Variants in DZIP3 observed in about 807,000 individuals in gnomAD.
DZIP3 encodes DAZ interacting zinc finger protein 3, also known as E3 ubiquitin-protein ligase DZIP3.
Under a neutral mutation model 162.0 loss-of-function variants are expected in DZIP3, and 118 were observed. That is an observed-to-expected ratio of 0.73 (90% CI 0.63 to 0.85). The LOEUF (loss-of-function observed/expected upper bound fraction) is 0.85, where lower values mean the gene tolerates loss of function less well. DZIP3 is among the 40% of genes least tolerant of loss of function. The pLI is 0.00. For synonymous variants in DZIP3, 438 were observed against 458.6 expected (o/e 0.96, Z 0.57); for missense variants, 1,331 against 1,407.0 (o/e 0.95, Z 0.86).
At chr3:108,612,634 A>G (rs975228319) in intron 4 of DZIP3, among the ~76,000 whole-genome samples, 1 of 152,212 alleles carries the variant, frequency 6.6e-6, no homozygotes, top group Non-Finnish European at 1.5e-5. Flanking sequence ...GTATTTGCAT[A>G]CAACCTGTAC....
intron 5 of DZIP3, among the ~76,000 whole-genome samples, chr3:108,621,474 C>T (rs1941339881): frequency 6.6e-6 from 1 of 152,082 alleles, no homozygotes; most frequent in Admixed American, 6.5e-5. Context: ...TTAAAATGTA[C>T]AATGAATTAT....
At chr3:108,675,933 GA>G in intron 25 of DZIP3, 60 bp downstream of exon 25, 1 of 1,413,570 alleles carries the variant, frequency 7.1e-7, no homozygotes, top group East Asian at 2.4e-5. Flanking sequence ...TGTAAAGTTA[GA>G]AGACATATTA....
Position 108,616,449 on chromosome 3 carries a change from T to C in DZIP3, c.259-92T>C, listed in dbSNP as rs558504798. 2.2e-5 allele frequency: 19 copies of C among 850,450 alleles called. 1 individual carries two copies. The South Asian group carries it at 3.8e-4, about 17-fold the overall frequency. 52.7% of individuals were successfully genotyped at this position (850,450 alleles called of 1,614,324 possible). A position where few individuals can be genotyped will look rare whatever the true frequency, so the allele number is the denominator to read the frequency against. ...GTCTTTATCTCTATTTTTAAAATTT[T>C]CTCCAATGAGCATGAATTATTTGTA... On this transcript the variant is annotated intron_variant, in intron 4 of 32. Transcript: ENST00000361582.
At chr3:108,641,668 G>A (rs1942406870) in intron 12 of DZIP3, among the ~76,000 whole-genome samples, 1 of 152,156 alleles carries the variant, frequency 6.6e-6, no homozygotes, top group African/African-American at 2.4e-5. Context: ...CAGTATGGGA[G>A]ATACCTTTTA....
intron 19 of DZIP3, among the ~76,000 whole-genome samples, chr3:108,658,231 T>C (rs890828838): frequency 2.0e-5 from 3 of 152,258 alleles, no homozygotes; most frequent in Admixed American, 6.5e-5. Context: ...ATTGACCACA[T>C]AGTTAGAAGT....
intron 27 of DZIP3, among the ~76,000 whole-genome samples, chr3:108,685,749 A>G (rs1044192862): frequency 2.6e-5 from 4 of 152,316 alleles, no homozygotes; most frequent in East Asian, 3.9e-4. Flanking sequence ...TTATAAAGGT[A>G]TATATGCTAA....
chr3:108,593,076 T>C (rs1295636023), intron 1 of DZIP3, among the ~76,000 whole-genome samples: 1 of 152,240 alleles, frequency 6.6e-6, no homozygotes, highest in African/African-American at 2.4e-5. Context: ...TGTTTCATTC[T>C]AAAAAATGTC....
chr3:108,597,936 A>T (rs1939794739), intron 1 of DZIP3, among the ~76,000 whole-genome samples: 1 of 152,208 alleles, frequency 6.6e-6, no homozygotes, highest in African/African-American at 2.4e-5. Flanking sequence ...TTTAACTTTG[A>T]GAGATCATTT....
intron 31 of DZIP3, among the ~76,000 whole-genome samples, chr3:108,689,277 C>T (rs1300177032): frequency 2.0e-5 from 3 of 152,204 alleles, no homozygotes; most frequent in Non-Finnish European, 4.4e-5. Flanking sequence ...ATAAATACCA[C>T]ATAGTGTCCT....
At chr3:108,598,788 G>A (rs146957202) in intron 1 of DZIP3, among the ~76,000 whole-genome samples, 22 of 152,254 alleles carry the variant, frequency 1.4e-4, no homozygotes, top group Non-Finnish European at 1.8e-4. Context: ...CACCTTTGGA[G>A]TATGTGCTTA....
At chr3:108,648,543 T>G (rs1450774475) in intron 16 of DZIP3, 2 of 163,496 alleles carry the variant, frequency 1.2e-5, no homozygotes, top group Non-Finnish European at 2.6e-5. Flanking sequence ...AAATAAGTGG[T>G]AACAGTTATT....
intron 18 of DZIP3, among the ~76,000 whole-genome samples, chr3:108,651,606 A>G (rs1002167773): frequency 1.3e-5 from 2 of 151,698 alleles, no homozygotes; most frequent in African/African-American, 4.8e-5. Context: ...GTTATGTCCC[A>G]GTGACCCCTT....
At position 108,649,558 on chromosome 3, in the gene DZIP3, T is replaced by TA. The variant is rs368747125; in HGVS notation, c.2007+598dup. On this transcript the variant is annotated intron_variant, in intron 17 of 32. Coordinates refer to ENST00000361582, the MANE Select transcript of DZIP3 (RefSeq NM_014648.4). ...GTCTTTTTTTAATCAAGCATATAGCTAACCACCATGTTATGCAACTTTGTG... is the reference window on the plus strand; with the variant it reads ...GTCTTTTTTTAATCAAGCATATAGCTAAACCACCATGTTATGCAACTTTGTG... Among the ~76,000 whole-genome samples, 50 of 151,932 alleles carry TA rather than the reference T, an allele frequency of 3.3e-4. 2 individuals are homozygous for TA. The East Asian group carries it at 9.5e-3, about 29-fold the overall frequency.
intron 5 of DZIP3, among the ~76,000 whole-genome samples, chr3:108,617,782 G>A (rs556187988): frequency 6.6e-6 from 1 of 152,292 alleles, no homozygotes; most frequent in Non-Finnish European, 1.5e-5. Context: ...GAACTTGGGG[G>A]ATATGGCAGA....
chr3:108,629,655 T>A (rs1201627793), intron 8 of DZIP3, among the ~76,000 whole-genome samples: 2 of 151,936 alleles, frequency 1.3e-5, no homozygotes, highest in Non-Finnish European at 2.9e-5. Context: ...CACCAATAGC[T>A]TTTATTTTGT....
intron 21 of DZIP3, among the ~76,000 whole-genome samples, chr3:108,665,563 A>G (rs552752272): frequency 2.0e-5 from 3 of 152,282 alleles, no homozygotes; most frequent in Admixed American, 2.0e-4. Context: ...TATTCAAAGA[A>G]ATACTGAAAT....
Position 108,644,229 on chromosome 3 carries a change from T to G in DZIP3, c.1207T>G (p.Ser403Ala). 6.2e-7 allele frequency: 1 copy of G among 1,613,164 alleles called. No homozygotes were observed. Among genetic ancestry groups the G allele is most frequent in the Non-Finnish European group, 8.5e-7 (1 of 1,179,762 alleles). The change falls in exon 14 of 33, where the codon TCT becomes GCT. Residue 403 changes from serine (S) to alanine (A), a missense_variant. Around this residue, in one of 2 missense-constraint regions of DZIP3, gnomAD observed 1,278 missense variants for 1,317.1 expected, o/e 0.97. Coordinates refer to ENST00000361582, the MANE Select transcript of DZIP3 (RefSeq NM_014648.4). ...TCATCTGCTTCATATAATTATTATT[T>G]CTGGTACTGACATTGTTCGACAAAT... ...FYHLLHIIII[S>A]GTDIVRQIFD...
chr3:108,635,682 T>A (rs1942117475), intron 10 of DZIP3, among the ~76,000 whole-genome samples: 2 of 147,902 alleles, frequency 1.4e-5, no homozygotes, highest in South Asian at 4.2e-4. Context: ...ATATATAACA[T>A]AACTGTTATT....
intron 11 of DZIP3, 150 bp downstream of exon 11, chr3:108,636,858 C>G (rs1942172430): frequency 1.8e-6 from 1 of 561,254 alleles, no homozygotes; most frequent in Admixed American, 3.7e-5. Context: ...TTTTTATTAC[C>G]ATGATTTATA....
Sources: gnomAD v4.1 joint callset for allele counts (sites outside exome capture counted in the v4.1 genomes callset) on GRCh38, gnomAD v4.1.1 for gene constraint, gnomAD v4.1.1 regional missense constraint, MANE v1.5 for transcripts, NCBI Gene and HGNC (gene_info 2026-07-23, HGNC 2026-07-21) for gene names.